PACSIN1: variants seen among roughly 807,000 people sequenced by gnomAD.
PACSIN1 encodes protein kinase C and casein kinase substrate in neurons 1, also known as protein kinase C and casein kinase substrate in neurons protein 1.
Under a neutral mutation model 59.5 loss-of-function variants are expected in PACSIN1, and 15 were observed. The observed-to-expected ratio is 0.25, with a 90% CI of 0.17 to 0.39. PACSIN1 has a LOEUF of 0.39. Among genes scored for constraint, PACSIN1 ranks in the 10% least tolerant of loss-of-function variants. The probability of loss-of-function intolerance (pLI) is 1.00; values close to 1 mark genes in which losing one functional copy is unlikely to be tolerated. For synonymous variants in PACSIN1, 210 were observed against 220.6 expected (o/e 0.95, Z 0.42); for missense variants, 420 against 580.2 (o/e 0.72, Z 2.84).
intron 1 of PACSIN1, among the ~76,000 whole-genome samples, chr6:34,476,323 C>T (rs9394227): frequency 0.33 from 50,821 of 152,056 alleles, 8,839 homozygotes; most frequent in East Asian, 0.59. Flanking sequence ...AGCTCCCAGC[C>T]GATGTCTCTC....
chr6:34,471,757 A>G (rs992233248), intron 1 of PACSIN1, among the ~76,000 whole-genome samples: 3 of 152,200 alleles, frequency 2.0e-5, no homozygotes, highest in African/African-American at 4.8e-5. Context: ...TTCCACAGGT[A>G]CACTCTGAGC....
intron 1 of PACSIN1, among the ~76,000 whole-genome samples, chr6:34,500,171 T>C (rs1297716381): frequency 1.3e-5 from 2 of 152,168 alleles, no homozygotes; most frequent in Non-Finnish European, 2.9e-5. Context: ...TCTCTGATCA[T>C]TAGGGAAATG....
At chr6:34,494,644 G>A (rs2127254675) in intron 1 of PACSIN1, among the ~76,000 whole-genome samples, 1 of 152,186 alleles carries the variant, frequency 6.6e-6, no homozygotes, top group South Asian at 2.1e-4. Flanking sequence ...GTGTCTGGCT[G>A]TGTTGCCCGG....
intron 1 of PACSIN1, among the ~76,000 whole-genome samples, chr6:34,520,915 C>G (rs1229936953): frequency 6.6e-6 from 1 of 152,166 alleles, no homozygotes; most frequent in Non-Finnish European, 1.5e-5. Flanking sequence ...TCATCGTCAA[C>G]ATTGGCTGGG....
At chr6:34,487,934 A>G (rs1468010965) in intron 1 of PACSIN1, among the ~76,000 whole-genome samples, 2 of 152,070 alleles carry the variant, frequency 1.3e-5, no homozygotes, top group East Asian at 3.9e-4. Flanking sequence ...CCTTATAATA[A>G]TTCATCCCAC....
Position 34,530,296 on chromosome 6 carries a change from A to C in PACSIN1, c.842A>C (p.Gln281Pro). The change falls in exon 7 of 10, where the codon CAG (glutamine) becomes CCG (proline). Residue 281 changes from glutamine (Q) to proline (P), a missense_variant. Transcript: ENST00000244458. The surrounding 1 kb of genome is among the most constrained non-coding windows in gnomAD (Gnocchi z 4.4). ...LEQAIRGADAQEDLRWFRSTS... is the reference protein window; with the variant it reads ...LEQAIRGADAPEDLRWFRSTS... ...CAGGCCATCCGGGGGGCTGATGCCC[A>C]GGAAGACCTCAGATGGTTCCGCAGC... 1 of 1,614,138 alleles carries C rather than the reference A, an allele frequency of 6.2e-7. No homozygotes were observed. The highest frequency in any genetic ancestry group is 8.5e-7 in the Non-Finnish European group (1 of 1,180,016).
chr6:34,492,731 T>A (rs1052825649), intron 1 of PACSIN1, among the ~76,000 whole-genome samples: 1 of 152,196 alleles, frequency 6.6e-6, no homozygotes, highest in Non-Finnish European at 1.5e-5. Context: ...AACCAAATAG[T>A]GCGTGCTCAT....
chr6:34,513,494 G>T (rs1260225410), intron 1 of PACSIN1, among the ~76,000 whole-genome samples: 1 of 152,080 alleles, frequency 6.6e-6, no homozygotes, highest in African/African-American at 2.4e-5. Flanking sequence ...GTGTGTCCTG[G>T]GCCCCAGTCC....
intron 1 of PACSIN1, among the ~76,000 whole-genome samples, chr6:34,467,109 C>A (rs1244685048): frequency 6.6e-6 from 1 of 151,106 alleles, no homozygotes; most frequent in Non-Finnish European, 1.5e-5. Flanking sequence ...ATTGCCCCAG[C>A]CCCTGGCACA....
intron 1 of PACSIN1, among the ~76,000 whole-genome samples, chr6:34,511,025 C>T (rs1057305297): frequency 1.3e-5 from 2 of 152,116 alleles, no homozygotes; most frequent in African/African-American, 4.8e-5. Flanking sequence ...CATTATTTTT[C>T]TTGGTAGCAC....
intron 1 of PACSIN1, among the ~76,000 whole-genome samples, chr6:34,496,757 T>C (rs1766953179): frequency 6.6e-6 from 1 of 152,194 alleles, no homozygotes; most frequent in South Asian, 2.1e-4. Flanking sequence ...ATTCCAGGAC[T>C]CCAGCCTGTG....
intron 1 of PACSIN1, among the ~76,000 whole-genome samples, chr6:34,487,252 G>T (rs939864489): frequency 3.3e-5 from 5 of 152,138 alleles, no homozygotes; most frequent in Non-Finnish European, 7.3e-5. Context: ...ACAAGATATA[G>T]AACACTTCCC....
At chr6:34,483,339 T>G (rs1236129118) in intron 1 of PACSIN1, among the ~76,000 whole-genome samples, 1 of 152,046 alleles carries the variant, frequency 6.6e-6, no homozygotes, top group Non-Finnish European at 1.5e-5. Context: ...CAACCTAAGG[T>G]CCCATCCAAT....
chr6:34,478,489 C>G (rs1200541843), intron 1 of PACSIN1, among the ~76,000 whole-genome samples: 1 of 151,000 alleles, frequency 6.6e-6, no homozygotes, highest in Admixed American at 6.6e-5. Context: ...TCTCCTGCCT[C>G]AGGCTCCTGA....
In PACSIN1 at chr6:34,530,616, G is replaced by A. The variant is rs1767577061; in HGVS notation, c.1037+29G>A. The A allele has an allele frequency of 1.3e-6, 2 of 1,522,446 alleles. No individual in the cohort carries two copies. The highest frequency in any genetic ancestry group is 2.2e-5 in the Admixed American group (1 of 44,754). The allele number at this position is 1,522,446 out of a possible 1,614,324, so 94.3% of individuals were successfully genotyped here. A position where few individuals can be genotyped will look rare whatever the true frequency, so the allele number is the denominator to read the frequency against. Reference sequence around the variant, plus strand: ...AGTGCCTCCTGTGGAGCTTCCTGGGGCCAAGAGGGACCCACACTCTGGGGC... The same window carrying A: ...AGTGCCTCCTGTGGAGCTTCCTGGGACCAAGAGGGACCCACACTCTGGGGC... On this transcript the variant is annotated intron_variant, in intron 8 of 9. Coordinates refer to ENST00000244458, the MANE Select transcript of PACSIN1 (RefSeq NM_020804.5). This position sits in a 1 kb window ranked among gnomAD's most constrained non-coding sequence, Gnocchi z 4.4.
At chr6:34,483,360 G>A (rs893091406) in intron 1 of PACSIN1, among the ~76,000 whole-genome samples, 1 of 152,176 alleles carries the variant, frequency 6.6e-6, no homozygotes, top group Non-Finnish European at 1.5e-5. Context: ...AGTCTCTGAA[G>A]CTCTGGACAA....
In PACSIN1 at chr6:34,530,365, T is replaced by C; in HGVS notation, c.909+2T>C. On this transcript the variant is annotated splice_donor_variant, in intron 7 of 9. Coordinates refer to ENST00000244458, the MANE Select transcript of PACSIN1 (RefSeq NM_020804.5). LOFTEE classifies it high-confidence loss of function. The surrounding 1 kb of genome is among the most constrained non-coding windows in gnomAD (Gnocchi z 4.4). ...CCCATGAACTGGCCCCAGTTTGAGG[T>C]GAGGATATGTGGGGATGGGAAGGGG... 1 of 1,612,682 alleles carries C rather than the reference T, an allele frequency of 6.2e-7. No individual in the cohort carries two copies. The highest frequency in any genetic ancestry group is 8.5e-7 in the Non-Finnish European group (1 of 1,179,358).
At chr6:34,475,848 GAGGA>G (rs1443915188) in intron 1 of PACSIN1, among the ~76,000 whole-genome samples, 3 of 152,172 alleles carry the variant, frequency 2.0e-5, no homozygotes, top group African/African-American at 7.2e-5. Flanking sequence ...TTTCCTAGAG[GAGGA>G]AGCTGAGGTT....
At chr6:34,494,819 T>A (rs995507755) in intron 1 of PACSIN1, among the ~76,000 whole-genome samples, 2 of 152,130 alleles carry the variant, frequency 1.3e-5, no homozygotes, top group Non-Finnish European at 2.9e-5. Context: ...AGGCATTAGA[T>A]CACTTCCCCA....
Sources: gnomAD v4.1 joint callset for allele counts (sites outside exome capture counted in the v4.1 genomes callset) on GRCh38, gnomAD v4.1.1 for gene constraint, Gnocchi (gnomAD v3.1) non-coding constraint, MANE v1.5 for transcripts, NCBI Gene and HGNC (gene_info 2026-07-23, HGNC 2026-07-21) for gene names.